Variants in TRAK2 observed in about 807,000 individuals in gnomAD.
TRAK2 encodes trafficking kinesin-binding protein 2.
Under a neutral mutation model 104.6 loss-of-function variants are expected in TRAK2, and 81 were observed. The observed-to-expected ratio is 0.77, with a 90% confidence interval of 0.65 to 0.93. The LOEUF (loss-of-function observed/expected upper bound fraction) is 0.93, where lower values mean the gene tolerates loss of function less well. Ranked by LOEUF, TRAK2 falls within the 40% of genes least tolerant of loss-of-function variation. TRAK2 has a pLI of 0.00. For missense variants in TRAK2, 1,002 were observed against 1,089.0 expected (o/e 0.92, Z 1.12); for synonymous variants, 406 against 394.4 (o/e 1.03, Z -0.35).
chr2:201,439,317 C>T (rs10497868), intron 1 of TRAK2, among the ~76,000 whole-genome samples: 100,797 of 152,036 alleles, frequency 0.66, 33,587 homozygotes, highest in South Asian at 0.84. Context: ...ATCGGTTACT[C>T]TGAAGGTGCA....
chr2:201,408,048 C>G (rs1951612076), intron 2 of TRAK2, among the ~76,000 whole-genome samples: 1 of 152,244 alleles, frequency 6.6e-6, no homozygotes, highest in East Asian at 1.9e-4. Context: ...TTATTGCCAA[C>G]TATAGCCACC....
In TRAK2 at chr2:201,419,940, T is replaced by C. The variant is rs368321155; in HGVS notation, c.91+477A>G. On this transcript the variant is annotated intron_variant, in intron 2 of 15. Coordinates refer to ENST00000332624, the MANE Select transcript of TRAK2 (RefSeq NM_015049.3). ...AGTCTAGAAACAGCCAAAGTCTGGT[T>C]TGGTGGGCAAATGAGTTTCTGAATA... Among the ~76,000 whole-genome samples, 4 of 152,298 alleles carry C rather than the reference T, an allele frequency of 2.6e-5. No homozygotes were observed. In the South Asian group the frequency reaches 8.3e-4, roughly 32 times the overall value.
intron 2 of TRAK2, chr2:201,411,952 T>C (rs1951650887): frequency 2.1e-6 from 2 of 962,852 alleles, no homozygotes; most frequent in Non-Finnish European, 3.4e-6. Flanking sequence ...AAGGAGCTTC[T>C]AGTGCTCTGT....
At chr2:201,394,091 T>C (rs753728745) in intron 9 of TRAK2, among the ~76,000 whole-genome samples, 8 of 152,132 alleles carry the variant, frequency 5.3e-5, no homozygotes, top group Non-Finnish European at 8.8e-5. Context: ...CTAAGTTATA[T>C]TTAATAAATA....
intron 7 of TRAK2, among the ~76,000 whole-genome samples, chr2:201,397,241 C>T (rs1576512345): frequency 6.6e-6 from 1 of 152,164 alleles, no homozygotes; most frequent in African/African-American, 2.4e-5. Flanking sequence ...TGGTTCCTTT[C>T]ACTCTAACAT....
Position 201,380,354 on chromosome 2 carries a change from C to G in TRAK2, c.*189G>C. The G allele has an allele frequency of 1.6e-6, 1 of 633,922 alleles. No individual in the cohort carries two copies. The highest frequency in any genetic ancestry group is 2.7e-6 in the Non-Finnish European group (1 of 366,312). The allele number at this position is 633,922 out of a possible 1,614,324, so 39.3% of individuals were successfully genotyped here. A position where few individuals can be genotyped will look rare whatever the true frequency, so the allele number is the denominator to read the frequency against. On this transcript the variant is annotated 3_prime_UTR_variant, in exon 16 of 16. Transcript: ENST00000332624. ...AACACTCATGGCCCATTCATTTATA[C>G]TTTCAATTTGCCCGACTTCCTCCAT...
intron 1 of TRAK2, among the ~76,000 whole-genome samples, chr2:201,429,947 T>C (rs2125658433): frequency 6.6e-6 from 1 of 152,342 alleles, no homozygotes; most frequent in South Asian, 2.1e-4. Context: ...TTTTTTGCTC[T>C]GGTTTCTCCC....
In TRAK2 at chr2:201,395,378, C is replaced by T. The variant is rs774108541; in HGVS notation, c.836G>A (p.Arg279Gln). Residue 279 changes from arginine (R) to glutamine (Q), a missense_variant, in exon 8 of 16, where the codon CGA becomes CAA. Coordinates refer to ENST00000332624, the MANE Select transcript of TRAK2 (RefSeq NM_015049.3). ...AAGAGAGGAAAGCTCTTCTTGGTAT[C>T]GAATCAGCTCATCACTCTTCCCTGA... ...ELSGKSDELI[R>Q]YQEELSSLLS... is the part of the protein sequence containing the mutation. 1.1e-5 allele frequency: 17 copies of T among 1,603,542 alleles called. 1 individual carries two copies. The highest frequency in any genetic ancestry group is 4.5e-5 in the South Asian group (4 of 89,872).
At chr2:201,383,203 CAG>C (rs1951358576) in intron 15 of TRAK2, among the ~76,000 whole-genome samples, 1 of 152,182 alleles carries the variant, frequency 6.6e-6, no homozygotes, top group Admixed American at 6.5e-5. Flanking sequence ...TGGCCTTGCC[CAG>C]AGAGGTCTGG....
intron 2 of TRAK2, among the ~76,000 whole-genome samples, chr2:201,414,052 A>C (rs1287697923): frequency 6.6e-6 from 1 of 152,202 alleles, no homozygotes; most frequent in Non-Finnish European, 1.5e-5. Flanking sequence ...CACACACAAC[A>C]GTAGTAAGAA....
At chr2:201,399,590 C>G (rs1036396355) in intron 4 of TRAK2, 97 bp from the exon 5 acceptor site, 2 of 819,568 alleles carry the variant, frequency 2.4e-6, no homozygotes, top group Non-Finnish European at 4.1e-6. Context: ...TCAAAAGCAA[C>G]GTCCTAGAAA....
At chr2:201,411,868 G>A in intron 2 of TRAK2, 1 of 963,422 alleles carries the variant, frequency 1.0e-6, no homozygotes, top group Non-Finnish European at 1.7e-6. Flanking sequence ...ATCAAAGTAT[G>A]TTTCATGATG....
intron 2 of TRAK2, chr2:201,410,669 T>A (rs1559446373): frequency 7.6e-7 from 1 of 1,308,496 alleles, no homozygotes; most frequent in Non-Finnish European, 1.1e-6. Flanking sequence ...GATTGTCCTA[T>A]CATGTTCATC....
intron 5 of TRAK2, 103 bp from the exon 6 acceptor site, chr2:201,398,457 A>G: frequency 9.1e-7 from 1 of 1,104,130 alleles, no homozygotes; most frequent in Non-Finnish European, 1.3e-6. Flanking sequence ...ACAAAAGAAA[A>G]TCACAAAATC....
At chr2:201,393,892 C>T (rs1307532875) in intron 9 of TRAK2, among the ~76,000 whole-genome samples, 2 of 152,114 alleles carry the variant, frequency 1.3e-5, no homozygotes, top group Admixed American at 6.6e-5. Flanking sequence ...GGACCACAGG[C>T]GTGCACCACT....
At chr2:201,442,188 A>C (rs931510811) in intron 1 of TRAK2, among the ~76,000 whole-genome samples, 2 of 151,404 alleles carry the variant, frequency 1.3e-5, no homozygotes, top group African/African-American at 4.8e-5. Context: ...CAGGAGATCG[A>C]GACCATCCTG....
At chr2:201,426,454 G>A (rs989954150) in intron 1 of TRAK2, among the ~76,000 whole-genome samples, 2 of 152,130 alleles carry the variant, frequency 1.3e-5, no homozygotes, top group African/African-American at 2.4e-5. Context: ...AATAATAATA[G>A]CAATAAAGTG....
At chr2:201,381,247 C>T (rs202109690) in intron 15 of TRAK2, 29 bp from the exon 16 acceptor site, 43 of 1,544,890 alleles carry the variant, frequency 2.8e-5, no homozygotes, top group Admixed American at 2.1e-4. Context: ...AAGTGGGAGA[C>T]AGTGTTTAAG....
chr2:201,441,261 C>T (rs962753469), intron 1 of TRAK2, among the ~76,000 whole-genome samples: 4 of 152,206 alleles, frequency 2.6e-5, no homozygotes, highest in Non-Finnish European at 1.5e-5. Context: ...ACACTATACA[C>T]TTTTCTGTAA....
Sources: allele counts gnomAD v4.1 joint callset (sites outside exome capture counted in the v4.1 genomes callset), GRCh38; gene constraint gnomAD v4.1.1; transcripts MANE v1.5; gene names NCBI Gene and HGNC (gene_info 2026-07-23, HGNC 2026-07-21).